WWC1: variants seen among roughly 807,000 people sequenced by gnomAD.
WWC1 encodes the protein protein KIBRA.
Under a neutral mutation model 138.4 loss-of-function variants are expected in WWC1, and 55 were observed. The observed-to-expected ratio is 0.40, with a 90% CI of 0.32 to 0.50. The LOEUF (loss-of-function observed/expected upper bound fraction) is 0.50, where lower values mean the gene tolerates loss of function less well. WWC1 is among the 20% of genes least tolerant of loss of function. The pLI is 0.72. For synonymous variants in WWC1, 524 were observed against 564.9 expected, an observed-to-expected ratio of 0.93 and a Z score of 1.03; for missense variants, 1,226 against 1,420.4, an observed-to-expected ratio of 0.86 and a Z score of 2.20.
In WWC1 at chr5:168,414,465, G is replaced by C. The variant is rs202000334; in HGVS notation, c.1059G>C (p.Glu353Asp). ...LINEKEELLK[E>D]MRFISPRKWT... ...ACGAGAAGGAGGAGCTGCTGAAGGA[G>C]ATGCGCTTCATCAGCCCCCGCAAGT... Residue 353 changes from glutamate to aspartate, a missense_variant, in exon 9 of 23, where the codon GAG (glutamate) becomes GAC (aspartate). Physicochemically the swap from Glu to Asp is conservative, Grantham distance 45 (BLOSUM62 2). This residue lies in a region of WWC1 where 1,016 missense variants were observed against 1,153.9 expected (regional missense o/e 0.88). Coordinates refer to ENST00000265293, the MANE Select transcript of WWC1 (RefSeq NM_015238.3). 1 of 1,571,544 alleles carries C rather than the reference G, an allele frequency of 6.4e-7. No individual in the cohort carries two copies. The highest frequency in any genetic ancestry group is 2.3e-5 in the East Asian group (1 of 42,724).
intron 19 of WWC1, among the ~76,000 whole-genome samples, chr5:168,457,013 C>T (rs965392495): frequency 4.6e-5 from 7 of 152,234 alleles, no homozygotes; most frequent in African/African-American, 7.2e-5. Context: ...TATTAAGCAT[C>T]TGTAACACAC....
intron 18 of WWC1, among the ~76,000 whole-genome samples, chr5:168,455,047 G>C (rs1436126244): frequency 2.0e-5 from 3 of 152,162 alleles, no homozygotes; most frequent in Non-Finnish European, 4.4e-5. Context: ...CAGGTTGTTG[G>C]ACATCACACT....
intron 3 of WWC1, among the ~76,000 whole-genome samples, chr5:168,396,122 G>A (rs778687919): frequency 9.2e-5 from 14 of 152,056 alleles, no homozygotes; most frequent in Non-Finnish European, 1.5e-4. Flanking sequence ...GGTGGCTCAC[G>A]CCTGTAATCC....
At chr5:168,364,004 C>A (rs7731635) in intron 1 of WWC1, among the ~76,000 whole-genome samples, 16,100 of 151,932 alleles carry the variant, frequency 0.11, 1,102 homozygotes, top group Non-Finnish European at 0.14. Context: ...TTCTTCACAA[C>A]GCGCAGAACT....
rs113424480 is a variant in WWC1 at position 168,379,968 on chromosome 5, C to G, written c.230-5243C>G. ...TAGGCAAAGATTTTTTTGGACAAGTCATAAAAAGCACTAACCAGAAAAGAA... is the reference window on the plus strand; with the variant it reads ...TAGGCAAAGATTTTTTTGGACAAGTGATAAAAAGCACTAACCAGAAAAGAA... On this transcript the variant is annotated intron_variant, in intron 2 of 22. Coordinates refer to ENST00000265293, the MANE Select transcript of WWC1 (RefSeq NM_015238.3). Among the ~76,000 whole-genome samples the G allele has an allele frequency of 8.8e-4, 134 of 152,180 alleles. 1 individual carries two copies. The Middle Eastern group carries it at 0.01, about 12-fold the overall frequency.
At chr5:168,380,045 A>G (rs561892540) in intron 2 of WWC1, among the ~76,000 whole-genome samples, 2 of 152,350 alleles carry the variant, frequency 1.3e-5, no homozygotes, top group South Asian at 4.1e-4. Context: ...CTCAAAAGAC[A>G]TTATTAAGAA....
chr5:168,398,558 T>C (rs1381958696), intron 4 of WWC1, among the ~76,000 whole-genome samples: 1 of 152,266 alleles, frequency 6.6e-6, no homozygotes, highest in African/African-American at 2.4e-5. Context: ...AATTACTTCA[T>C]GATTACCTTA....
At chr5:168,456,866 T>G (rs1388281813) in intron 19 of WWC1, among the ~76,000 whole-genome samples, 1 of 152,202 alleles carries the variant, frequency 6.6e-6, no homozygotes, top group Non-Finnish European at 1.5e-5. Flanking sequence ...ATGGGAGATA[T>G]AAGATAGAAG....
intron 1 of WWC1, among the ~76,000 whole-genome samples, chr5:168,337,228 G>A (rs1181892293): frequency 2.0e-5 from 3 of 152,152 alleles, no homozygotes; most frequent in Non-Finnish European, 2.9e-5. Flanking sequence ...ACACGTAGTG[G>A]GGAGCAGCCT....
intron 12 of WWC1, 144 bp downstream of exon 12, chr5:168,428,285 C>A: frequency 5.3e-6 from 4 of 750,356 alleles, no homozygotes; most frequent in Non-Finnish European, 6.5e-6. Flanking sequence ...CCACCTTCCT[C>A]TTGGCTGCCC....
chr5:168,391,496 A>G (rs1407409233), intron 3 of WWC1, among the ~76,000 whole-genome samples: 1 of 151,728 alleles, frequency 6.6e-6, no homozygotes, highest in East Asian at 1.9e-4. Flanking sequence ...CATCTCTACT[A>G]AAAGTACAAA....
chr5:168,395,897 T>G (rs1351014292), intron 3 of WWC1, among the ~76,000 whole-genome samples: 1 of 152,244 alleles, frequency 6.6e-6, no homozygotes, highest in Non-Finnish European at 1.5e-5. Context: ...AGTATTACAT[T>G]TTAATGCCTT....
chr5:168,397,650 A>G (rs1046259981), intron 3 of WWC1, 74 bp from the exon 4 acceptor site: 1 of 1,491,058 alleles, frequency 6.7e-7, no homozygotes, highest in South Asian at 1.1e-5. Context: ...AGGTTTATTT[A>G]GATGGCCAAT....
At chr5:168,343,216 A>G in intron 1 of WWC1, among the ~76,000 whole-genome samples, 1 of 147,012 alleles carries the variant, frequency 6.8e-6, no homozygotes, top group Non-Finnish European at 1.5e-5. Context: ...TTTCTTGATG[A>G]CGGGGCCAAA....
intron 20 of WWC1, among the ~76,000 whole-genome samples, chr5:168,461,711 C>T (rs1385541904): frequency 6.6e-6 from 1 of 152,182 alleles, no homozygotes; most frequent in Non-Finnish European, 1.5e-5. Flanking sequence ...AACTTTAAAG[C>T]AGTTCTGTCT....
chr5:168,382,997 A>G (rs1329235093), intron 2 of WWC1, among the ~76,000 whole-genome samples: 1 of 151,914 alleles, frequency 6.6e-6, no homozygotes, highest in Non-Finnish European at 1.5e-5. Flanking sequence ...TTAACATGGT[A>G]AAACCCTGTC....
intron 5 of WWC1, among the ~76,000 whole-genome samples, chr5:168,404,508 C>T (rs1296531868): frequency 6.6e-6 from 1 of 152,200 alleles, no homozygotes; most frequent in African/African-American, 2.4e-5. Context: ...GTGTTGAGAC[C>T]GTGCTCCATG....
intron 1 of WWC1, among the ~76,000 whole-genome samples, chr5:168,364,747 A>G (rs557268461): frequency 1.2e-4 from 18 of 152,226 alleles, no homozygotes; most frequent in Non-Finnish European, 2.4e-4. Flanking sequence ...CAGTGGTCAG[A>G]GGAATAATCC....
chr5:168,363,215 C>T (rs1166332740), intron 1 of WWC1, among the ~76,000 whole-genome samples: 1 of 152,062 alleles, frequency 6.6e-6, no homozygotes, highest in African/African-American at 2.4e-5. Flanking sequence ...TACCTTCTCC[C>T]ATTTAACTTT....
Sources: gnomAD v4.1 joint callset for allele counts (sites outside exome capture counted in the v4.1 genomes callset) on GRCh38, gnomAD v4.1.1 for gene constraint, gnomAD v4.1.1 regional missense constraint, MANE v1.5 for transcripts, NCBI Gene and HGNC (gene_info 2026-07-23, HGNC 2026-07-21) for gene names.